Variants in GLYR1 observed in about 807,000 individuals in gnomAD.
The protein encoded by GLYR1 is glyoxylate reductase 1 homolog.
A neutral mutation model predicts 72.7 loss-of-function variants in GLYR1; 21 were observed. That is an observed-to-expected ratio of 0.29 (90% CI 0.20 to 0.42). The LOEUF (loss-of-function observed/expected upper bound fraction) is 0.42. Among genes scored for constraint, GLYR1 ranks in the 10% least tolerant of loss-of-function variants. GLYR1 has a pLI of 1.00. For synonymous variants in GLYR1, 392 were observed against 270.2 expected (o/e 1.45, Z -4.42); for missense variants, 594 against 712.1 (o/e 0.83, Z 1.89).
chr16:4,831,754 T>C (rs976139826), intron 5 of GLYR1, among the ~76,000 whole-genome samples: 6 of 152,322 alleles, frequency 3.9e-5, no homozygotes, highest in Non-Finnish European at 7.3e-5. Flanking sequence ...CAATGCAACT[T>C]TGAGCTCCAA....
At chr16:4,837,457 T>C (rs994187957) in intron 3 of GLYR1, among the ~76,000 whole-genome samples, 7 of 151,024 alleles carry the variant, frequency 4.6e-5, no homozygotes, top group Non-Finnish European at 7.4e-5. Flanking sequence ...AAATCATACA[T>C]GTAGATACTG....
intron 9 of GLYR1, among the ~76,000 whole-genome samples, chr16:4,821,044 T>C (rs573440255): frequency 6.6e-6 from 1 of 152,222 alleles, no homozygotes; most frequent in Non-Finnish European, 1.5e-5. Flanking sequence ...AAAATACAAA[T>C]TCTTGGGCCC....
At chr16:4,810,627 G>C (rs1000643290) in intron 15 of GLYR1, among the ~76,000 whole-genome samples, 3 of 148,566 alleles carry the variant, frequency 2.0e-5, no homozygotes, top group Non-Finnish European at 4.4e-5. Flanking sequence ...ACTTTGGGAG[G>C]CCGAGGCGGG....
intron 5 of GLYR1, among the ~76,000 whole-genome samples, chr16:4,829,278 G>C (rs1052073534): frequency 2.0e-5 from 3 of 151,922 alleles, no homozygotes; most frequent in Non-Finnish European, 2.9e-5. Flanking sequence ...TTAAAATTGG[G>C]ATATTTCACA....
At chr16:4,835,682 T>G (rs1475920753) in intron 3 of GLYR1, among the ~76,000 whole-genome samples, 1 of 152,070 alleles carries the variant, frequency 6.6e-6, no homozygotes, top group African/African-American at 2.4e-5. Flanking sequence ...AATATAAAAA[T>G]TAGCTGGGTG....
In GLYR1 at chr16:4,805,046, T is replaced by C; in HGVS notation, c.*190A>G. Reference sequence around the variant, plus strand: ...CCCACACGCCAATCCTGCTGACACTTGTCCCCTCCCCACCGGCCTCAGGGG... The same window carrying C: ...CCCACACGCCAATCCTGCTGACACTCGTCCCCTCCCCACCGGCCTCAGGGG... On this transcript the variant is annotated 3_prime_UTR_variant, in exon 16 of 16. Coordinates refer to ENST00000321919, the MANE Select transcript of GLYR1 (RefSeq NM_032569.4). 1 of 604,258 alleles carries C rather than the reference T, an allele frequency of 1.7e-6. No individual in the cohort carries two copies. Among genetic ancestry groups the C allele is most frequent in the Non-Finnish European group, 3.0e-6 (1 of 334,394 alleles). 37.4% of individuals were successfully genotyped at this position (604,258 alleles called of 1,614,324 possible).
At position 4,822,732 on chromosome 16, in the gene GLYR1, C is replaced by T. The variant is rs1168797495; in HGVS notation, c.681+143G>A. On this transcript the variant is annotated intron_variant, in intron 7 of 15. Coordinates refer to ENST00000321919, the MANE Select transcript of GLYR1 (RefSeq NM_032569.4). ...TAACAATGCTTGGCTCATTAGCGGG[C>T]CCATATGGGGGCTTCTGGGCTAGTT... 4.8e-5 allele frequency: 33 copies of T among 690,974 alleles called. No homozygotes were observed. In the East Asian group the frequency reaches 8.3e-4, roughly 17 times the overall value. 42.8% of individuals were successfully genotyped at this position (690,974 alleles called of 1,614,324 possible).
Position 4,805,240 on chromosome 16 carries a change from T to C in GLYR1, c.1658A>G (p.His553Arg). 6.2e-7 allele frequency: 1 copy of C among 1,613,874 alleles called. No individual in the cohort carries two copies. Among genetic ancestry groups the C allele is most frequent in the Non-Finnish European group, 8.5e-7 (1 of 1,179,898 alleles). The change falls in exon 16 of 16, where the codon CAC becomes CGC. Residue 553 changes from histidine (H) to arginine (R), a missense_variant. By Grantham distance (29) the His-to-Arg change is conservative. Coordinates refer to ENST00000321919, the MANE Select transcript of GLYR1 (RefSeq NM_032569.4). ...DMSAVYRAYI[H>R] is the part of the protein sequence containing the mutation. ...TGAGGGCGGGGTGTCGACAGCTTAGTGTATGTAGGCTCGGTACACGGCGGA... is the reference window on the plus strand; with the variant it reads ...TGAGGGCGGGGTGTCGACAGCTTAGCGTATGTAGGCTCGGTACACGGCGGA...
At chr16:4,840,668 C>T (rs561366876) in intron 3 of GLYR1, among the ~76,000 whole-genome samples, 1 of 152,316 alleles carries the variant, frequency 6.6e-6, no homozygotes, top group Non-Finnish European at 1.5e-5. Context: ...ACAAGAGATA[C>T]TACTTTTCCT....
intron 3 of GLYR1, among the ~76,000 whole-genome samples, chr16:4,837,040 A>G (rs1311337805): frequency 6.6e-6 from 1 of 152,168 alleles, no homozygotes; most frequent in East Asian, 1.9e-4. Context: ...TGAATACAGA[A>G]CCGCCACTAA....
Position 4,804,889 on chromosome 16 carries a change from G to C in GLYR1, c.*347C>G. ...ATAAGACAAGCTCGGAAGAAAAAAA[G>C]CCAGGCAGCAGTTTCTGGGCAGCTT... On this transcript the variant is annotated 3_prime_UTR_variant, in exon 16 of 16. Coordinates refer to ENST00000321919, the MANE Select transcript of GLYR1 (RefSeq NM_032569.4). 3.3e-6 allele frequency: 1 copy of C among 302,348 alleles called. No homozygotes were observed. The highest frequency in any genetic ancestry group is 6.3e-6 in the Non-Finnish European group (1 of 157,656). The allele number at this position is 302,348 out of a possible 1,614,324, so 18.7% of individuals were successfully genotyped here. A position where few individuals can be genotyped will look rare whatever the true frequency, so the allele number is the denominator to read the frequency against.
rs2083310342 is a variant in GLYR1 at position 4,811,300 on chromosome 16, G to A, written c.1463-6C>T. The stretch of plus-strand genomic sequence containing the variant: ...AAAGTTTCCTTGCAGGATATCTGAG[G>A]AGAAAAAGCCAGTATCAGACAAAAG... On this transcript the variant is annotated splice_polypyrimidine_tract_variant and splice_region_variant and intron_variant, in intron 14 of 15. Transcript: ENST00000321919. The A allele has an allele frequency of 6.2e-7, 1 of 1,612,948 alleles. No homozygotes were observed. The highest frequency in any genetic ancestry group is 8.5e-7 in the Non-Finnish European group (1 of 1,179,704).
At chr16:4,806,623 C>A (rs1332710180) in intron 15 of GLYR1, among the ~76,000 whole-genome samples, 2 of 149,506 alleles carry the variant, frequency 1.3e-5, no homozygotes, top group Non-Finnish European at 2.9e-5. Flanking sequence ...GACCCTGCCT[C>A]GACCCTGCCT....
At chr16:4,810,565 A>G (rs1218298618) in intron 15 of GLYR1, among the ~76,000 whole-genome samples, 3 of 150,448 alleles carry the variant, frequency 2.0e-5, no homozygotes, top group Admixed American at 6.6e-5. Context: ...AGGAAACGAT[A>G]AAAGAAAAAG....
intron 5 of GLYR1, among the ~76,000 whole-genome samples, chr16:4,831,124 A>G (rs538867473): frequency 6.6e-6 from 1 of 152,248 alleles, no homozygotes; most frequent in East Asian, 1.9e-4. Context: ...GAAGATGGAA[A>G]TCCTCTTTTC....
intron 3 of GLYR1, among the ~76,000 whole-genome samples, chr16:4,841,843 A>G (rs1262147576): frequency 2.0e-5 from 3 of 152,172 alleles, no homozygotes; most frequent in South Asian, 2.1e-4. Context: ...CTTCCTTTCC[A>G]TAACACCCAG....
At chr16:4,829,070 C>T (rs1229258943) in intron 5 of GLYR1, among the ~76,000 whole-genome samples, 2 of 152,012 alleles carry the variant, frequency 1.3e-5, no homozygotes, top group Admixed American at 6.5e-5. Flanking sequence ...ATAAAGTTCT[C>T]TCTGCACTGC....
At chr16:4,833,152 T>G in intron 3 of GLYR1, 3 of 368,668 alleles carry the variant, frequency 8.1e-6, no homozygotes, top group Non-Finnish European at 1.5e-5. Flanking sequence ...ACAAATCAAG[T>G]TCCTCCAGTG....
In GLYR1 at chr16:4,846,721, AAGG is replaced by A. The variant is rs573325366; in HGVS notation, c.38+504_38+506del. On this transcript the variant is annotated intron_variant, in intron 1 of 15. Transcript: ENST00000321919. ...GGTCACTGCCAAGCCATCGGTTGTA[AAGG>A]AGAAGTCCCCCCGCCGTTTCTTCGC... is the stretch of plus-strand genomic sequence containing the variant. The A allele has an allele frequency of 4.1e-3, 958 of 233,578 alleles. 3 individuals carry two copies. The highest frequency in any genetic ancestry group is 6.5e-3 in the South Asian group (130 of 20,116). 14.5% of individuals were successfully genotyped at this position (233,578 alleles called of 1,614,324 possible).
Sources: allele counts gnomAD v4.1 joint callset (sites outside exome capture counted in the v4.1 genomes callset), GRCh38; gene constraint gnomAD v4.1.1; transcripts MANE v1.5; gene names NCBI Gene and HGNC (gene_info 2026-07-23, HGNC 2026-07-21).